Variants in R3HDM1 observed in about 807,000 individuals in gnomAD.
R3HDM1 encodes the protein R3H domain-containing protein 1.
In R3HDM1, 46 loss-of-function variants were observed where a neutral mutation model predicts 141.1. The observed-to-expected ratio is 0.33, with a 90% CI of 0.26 to 0.42. The LOEUF is 0.42. Among genes scored for constraint, R3HDM1 ranks in the 10% least tolerant of loss-of-function variants. R3HDM1 has a pLI of 1.00. For synonymous variants in R3HDM1, 435 were observed against 472.9 expected (o/e 0.92, Z 1.04); for missense variants, 1,184 against 1,368.3 (o/e 0.87, Z 2.12).
intron 1 of R3HDM1, chr2:135,590,390 C>T (rs1708985230): frequency 4.3e-6 from 1 of 232,776 alleles, no homozygotes; most frequent in Admixed American, 6.5e-5. Flanking sequence ...CACAGCTTTC[C>T]TTAACAGGTA....
At chr2:135,701,621 GTGTTGATAGCTAAA>G (rs2074223394) in intron 21 of R3HDM1, among the ~76,000 whole-genome samples, 1 of 152,192 alleles carries the variant, frequency 6.6e-6, no homozygotes, top group Non-Finnish European at 1.5e-5. Flanking sequence ...AGTCGTGACA[GTGTTGATAGCTAAA>G]TGTCAGGAGC....
chr2:135,620,564 G>A (rs1352816570), intron 5 of R3HDM1: 1 of 982,810 alleles, frequency 1.0e-6, no homozygotes, highest in African/African-American at 1.8e-5. Flanking sequence ...GATGAAAATA[G>A]CAGGTAGCAG....
intron 24 of R3HDM1, among the ~76,000 whole-genome samples, chr2:135,719,477 C>CA (rs2076496499): frequency 7.0e-6 from 1 of 143,830 alleles, no homozygotes; most frequent in Non-Finnish European, 1.5e-5. Flanking sequence ...GACTCTGTCT[C>CA]AAAAATTAAA....
At chr2:135,599,048 T>C (rs2059414303) in intron 1 of R3HDM1, among the ~76,000 whole-genome samples, 2 of 152,186 alleles carry the variant, frequency 1.3e-5, no homozygotes, top group African/African-American at 2.4e-5. Flanking sequence ...CACCCAAAAA[T>C]TATAAAAAGA....
At chr2:135,534,780 T>G (rs1212612564) in intron 1 of R3HDM1, among the ~76,000 whole-genome samples, 1 of 152,246 alleles carries the variant, frequency 6.6e-6, no homozygotes, top group Non-Finnish European at 1.5e-5. Context: ...TTGTCAAATA[T>G]TATGCAGAAG....
intron 20 of R3HDM1, among the ~76,000 whole-genome samples, chr2:135,678,909 G>A (rs889741880): frequency 1.3e-5 from 2 of 151,308 alleles, no homozygotes; most frequent in African/African-American, 4.9e-5. Context: ...ACAGGCACGC[G>A]CCACTACTCC....
chr2:135,651,166 T>C, intron 17 of R3HDM1: 2 of 985,314 alleles, frequency 2.0e-6, no homozygotes, highest in Non-Finnish European at 2.4e-6. Context: ...AAGGGAAGAA[T>C]GGAATGTATG....
intron 1 of R3HDM1, among the ~76,000 whole-genome samples, chr2:135,539,646 C>A (rs1697037600): frequency 6.6e-6 from 1 of 151,678 alleles, no homozygotes; most frequent in Non-Finnish European, 1.5e-5. Flanking sequence ...GTTAGGTTTA[C>A]TACTGATGTT....
chr2:135,636,038 C>A (rs529689977), intron 10 of R3HDM1, 40 bp downstream of exon 10: 8 of 1,610,038 alleles, frequency 5.0e-6, no homozygotes, highest in Non-Finnish European at 6.8e-6. Context: ...AGGTGCAAGA[C>A]ATACTATACC....
chr2:135,670,110 A>G (rs1402197208), intron 19 of R3HDM1: 1 of 188,860 alleles, frequency 5.3e-6, no homozygotes, highest in Non-Finnish European at 9.6e-6. Context: ...AGCCTGGGCG[A>G]CAGAGCAGAC....
At chr2:135,714,034 A>G (rs1196199101) in intron 23 of R3HDM1, among the ~76,000 whole-genome samples, 1 of 152,212 alleles carries the variant, frequency 6.6e-6, no homozygotes, top group Non-Finnish European at 1.5e-5. Flanking sequence ...ACCATCAGGC[A>G]AGAGTCACCA....
chr2:135,641,069 A>C (rs1028633537), intron 14 of R3HDM1, among the ~76,000 whole-genome samples: 2 of 152,228 alleles, frequency 1.3e-5, no homozygotes, highest in Admixed American at 6.5e-5. Context: ...GTCTTAATAC[A>C]GAATTTATCA....
chr2:135,680,445 G>C lies in R3HDM1; in HGVS notation c.2459+121G>C, dbSNP rs925321100. On this transcript the variant is annotated intron_variant, in intron 21 of 26. Transcript: ENST00000683871. ...TGAGAACATTCTCTAATGTAGAATA[G>C]AAAAAAACTATAATACAGTATACTT... 6.1e-5 allele frequency: 69 copies of C among 1,127,858 alleles called. No homozygotes were observed. In the Middle Eastern group the frequency reaches 1.0e-3, roughly 17 times the overall value. 69.9% of individuals were successfully genotyped at this position (1,127,858 alleles called of 1,614,324 possible). A position where few individuals can be genotyped will look rare whatever the true frequency, so the allele number is the denominator to read the frequency against.
intron 3 of R3HDM1, among the ~76,000 whole-genome samples, chr2:135,610,128 C>G (rs1017320030): frequency 1.3e-5 from 2 of 152,166 alleles, no homozygotes; most frequent in Non-Finnish European, 2.9e-5. Context: ...ATTCAGAACT[C>G]TGTGCTCTGC....
intron 19 of R3HDM1, among the ~76,000 whole-genome samples, chr2:135,662,097 T>A (rs2066801755): frequency 6.6e-6 from 1 of 152,354 alleles, no homozygotes; most frequent in Admixed American, 6.5e-5. Context: ...CTCACCTAGA[T>A]GTGTACTTCC....
chr2:135,685,512 G>A (rs977033351), intron 21 of R3HDM1, among the ~76,000 whole-genome samples: 3 of 152,224 alleles, frequency 2.0e-5, no homozygotes, highest in South Asian at 2.1e-4. Flanking sequence ...CTGATATACC[G>A]AACTTTTTTC....
chr2:135,664,382 A>C (rs1375416073), intron 19 of R3HDM1, among the ~76,000 whole-genome samples: 1 of 152,180 alleles, frequency 6.6e-6, no homozygotes, highest in Non-Finnish European at 1.5e-5. Context: ...AAAAGGGTGA[A>C]ACTAATTATT....
intron 1 of R3HDM1, among the ~76,000 whole-genome samples, chr2:135,541,262 G>A (rs1472504169): frequency 6.6e-6 from 1 of 151,938 alleles, no homozygotes; most frequent in East Asian, 1.9e-4. Flanking sequence ...GTGCAGTAGC[G>A]CAATCTCGGC....
chr2:135,683,972 A>ACATACATG (rs1370965384), intron 21 of R3HDM1, among the ~76,000 whole-genome samples: 6 of 151,952 alleles, frequency 3.9e-5, no homozygotes, highest in African/African-American at 1.5e-4. Flanking sequence ...ATACATACAT[A>ACATACATG]CATACATACA....
Sources: allele counts gnomAD v4.1 joint callset (sites outside exome capture counted in the v4.1 genomes callset), GRCh38; gene constraint gnomAD v4.1.1; transcripts MANE v1.5; gene names NCBI Gene and HGNC (gene_info 2026-07-23, HGNC 2026-07-21).